DLEC1: variants seen among roughly 807,000 people sequenced by gnomAD.
DLEC1 encodes DLEC1 cilia and flagella associated protein, also known as deleted in lung and esophageal cancer protein 1.
A neutral mutation model predicts 198.1 loss-of-function variants in DLEC1; 146 were observed. The ratio of observed to expected loss-of-function variants is 0.74; its 90% CI spans 0.64 to 0.85. The LOEUF is 0.85. DLEC1 is among the 40% of genes least tolerant of loss of function. The pLI is 0.00. For missense variants in DLEC1, 2,233 were observed against 2,220.0 expected, an observed-to-expected ratio of 1.01 and a Z score of -0.12; for synonymous variants, 897 against 866.8, an observed-to-expected ratio of 1.03 and a Z score of -0.61.
chr3:38,053,592 C>G (rs949436368), intron 2 of DLEC1, among the ~76,000 whole-genome samples: 1 of 135,950 alleles, frequency 7.4e-6, no homozygotes, highest in African/African-American at 2.8e-5. Context: ...AGCCCCCGCC[C>G]GGCCAGCCGC....
chr3:38,042,474 G>A (rs1286870034), intron 1 of DLEC1, among the ~76,000 whole-genome samples: 3 of 150,824 alleles, frequency 2.0e-5, no homozygotes, highest in African/African-American at 4.9e-5. Context: ...CAATGTACAC[G>A]AATTAATTTT....
chr3:38,057,877 C>T (rs796608446), intron 2 of DLEC1, among the ~76,000 whole-genome samples: 8 of 148,848 alleles, frequency 5.4e-5, no homozygotes, highest in South Asian at 2.1e-4. Flanking sequence ...AGTGCAGTGG[C>T]GCAATCTCGG....
Position 38,039,449 on chromosome 3 carries a change from C to G in DLEC1, c.224C>G (p.Pro75Arg). The G allele has an allele frequency of 6.2e-7, 1 of 1,613,958 alleles. No homozygotes were observed. The highest frequency in any genetic ancestry group is 8.5e-7 in the Non-Finnish European group (1 of 1,179,864). The change falls in exon 1 of 37, where the codon CCC becomes CGC. Residue 75 changes from proline (P) to arginine (R), a missense_variant. Transcript: ENST00000308059. ...RLTQLALAQRPEPQLLRLRPS... is the reference protein window; with the variant it reads ...RLTQLALAQRREPQLLRLRPS... ...ACGCAGCTTGCGCTGGCGCAGCGTC[C>G]CGAGCCTCAGCTGCTTCGTCTGCGC... is the stretch of plus-strand genomic sequence containing the variant.
intron 12 of DLEC1, 93 bp from the exon 13 acceptor site, chr3:38,094,786 T>C (rs915614321): frequency 7.6e-6 from 11 of 1,452,092 alleles, no homozygotes; most frequent in Non-Finnish European, 9.3e-6. Flanking sequence ...GGTCCTTTCC[T>C]GCTCCCTCTT....
intron 2 of DLEC1, among the ~76,000 whole-genome samples, chr3:38,057,817 C>CTT (rs71094945): frequency 3.5e-4 from 46 of 132,832 alleles, no homozygotes; most frequent in African/African-American, 1.1e-3. Context: ...TGTATTATTC[C>CTT]TTTTTTTTTT....
chr3:38,050,981 C>T (rs948115034), intron 2 of DLEC1, among the ~76,000 whole-genome samples: 1 of 151,166 alleles, frequency 6.6e-6, no homozygotes, highest in Admixed American at 6.6e-5. Context: ...CATACTGGCT[C>T]ACTGCAACCT....
chr3:38,103,346 G>C (rs1459028432), intron 19 of DLEC1: 1 of 152,258 alleles, frequency 6.6e-6, no homozygotes, highest in Non-Finnish European at 1.5e-5. Context: ...GCTTTGCTCA[G>C]CTCCCCCGCC....
At chr3:38,084,446 G>GGTAGTA (rs1559430188) in intron 7 of DLEC1, among the ~76,000 whole-genome samples, 4 of 5,782 alleles carry the variant, frequency 6.9e-4, no homozygotes, top group East Asian at 6.5e-3. Flanking sequence ...TGGTGGTGGT[G>GGTAGTA]GTGGTGGTAG....
In DLEC1 at chr3:38,086,340, T is replaced by G. The variant is rs1198560175; in HGVS notation, c.1535T>G (p.Ile512Ser). ...GGTTTCAGTGTTGGCAGGTTCTGCA[T>G]TATGCCCAAAACAAGCTGGCCACCA... ...NVGFSVGRFCIMPKTSWPPLS... is the reference protein window; with the variant it reads ...NVGFSVGRFCSMPKTSWPPLS... Residue 512 changes from isoleucine (I) to serine (S), a missense_variant, in exon 9 of 37, where the codon ATT becomes AGT. Coordinates refer to ENST00000308059, the MANE Select transcript of DLEC1 (RefSeq NM_007335.4). 1.9e-6 allele frequency: 3 copies of G among 1,612,056 alleles called. No homozygotes were observed. Among genetic ancestry groups the G allele is most frequent in the African/African-American group, 2.7e-5 (2 of 74,876 alleles).
intron 8 of DLEC1, among the ~76,000 whole-genome samples, chr3:38,085,892 G>T (rs1698429964): frequency 6.6e-6 from 1 of 152,154 alleles, no homozygotes; most frequent in African/African-American, 2.4e-5. Context: ...CTACAGCTGG[G>T]CATAGGCTGG....
chr3:38,068,270 C>T (rs1383205894), intron 6 of DLEC1, among the ~76,000 whole-genome samples: 3 of 152,022 alleles, frequency 2.0e-5, no homozygotes, highest in Non-Finnish European at 4.4e-5. Flanking sequence ...GGCTCTGTCG[C>T]CCAGGCTGGA....
rs1700174803 is a variant in DLEC1 at position 38,116,562 on chromosome 3, T to C, written c.3966T>C (p.Asn1322=). Residue 1322 remains asparagine (N), a synonymous_variant, in exon 28 of 37, where the codon AAT becomes AAC. Transcript: ENST00000308059. The part of the protein sequence containing the change: ...PPFPLRDQAG[N]ELVCPDTPEG... The stretch of plus-strand genomic sequence containing the variant: ...TCCCGCTGCGGGACCAAGCCGGGAA[T>C]GAGCTTGTGTGCCCTGATACCCCTG... 6.2e-7 allele frequency: 1 copy of C among 1,614,080 alleles called. No individual in the cohort carries two copies. The highest frequency in any genetic ancestry group is 1.1e-5 in the South Asian group (1 of 91,086).
Position 38,117,552 on chromosome 3 carries a change from G to A in DLEC1, c.4426G>A (p.Gly1476Ser), listed in dbSNP as rs372398323. The stretch of plus-strand genomic sequence containing the variant: ...GCTAAGTGTGGAGCTGGACTACGGC[G>A]GCAGTATGGAATTCCAGTGCCAGGC... ...AQLSVELDYGGSMEFQCQASD... is the reference protein window; with the variant it reads ...AQLSVELDYGSSMEFQCQASD... Residue 1476 changes from glycine (G) to serine (S), a missense_variant, in exon 32 of 37, where the codon GGC becomes AGC. By Grantham distance (56) the Gly-to-Ser change is moderately conservative. Transcript: ENST00000308059. 4.3e-5 allele frequency: 69 copies of A among 1,614,154 alleles called. No individual in the cohort carries two copies. Among genetic ancestry groups the A allele is most frequent in the African/African-American group, 2.9e-4 (22 of 75,032 alleles).
intron 6 of DLEC1, among the ~76,000 whole-genome samples, chr3:38,079,267 G>A (rs1379243261): frequency 2.0e-5 from 3 of 152,158 alleles, no homozygotes; most frequent in Non-Finnish European, 4.4e-5. Flanking sequence ...AACTGGGCAG[G>A]TGGGGATAAC....
At chr3:38,102,057 CT>C (rs1476669795) in intron 19 of DLEC1, among the ~76,000 whole-genome samples, 2 of 152,192 alleles carry the variant, frequency 1.3e-5, no homozygotes, top group Non-Finnish European at 2.9e-5. Flanking sequence ...GGGCCCAACA[CT>C]TTTCCCTTTG....
intron 5 of DLEC1, 62 bp from the exon 6 acceptor site, chr3:38,063,779 C>G: frequency 8.4e-7 from 1 of 1,190,202 alleles, no homozygotes; most frequent in Non-Finnish European, 1.3e-6. Flanking sequence ...CAGTCACTGC[C>G]TACTATTTCA....
intron 2 of DLEC1, 34 bp downstream of exon 2, chr3:38,045,727 T>A (rs1163612563): frequency 1.3e-6 from 2 of 1,571,326 alleles, no homozygotes; most frequent in Admixed American, 1.9e-5. Context: ...GCCTGCCCAA[T>A]TCCCGGGCTG....
chr3:38,122,216 C>T (rs1446456678), intron 36 of DLEC1, 22 bp downstream of exon 36: 1 of 1,611,260 alleles, frequency 6.2e-7, no homozygotes, highest in Non-Finnish European at 8.5e-7. Flanking sequence ...TCCAACCTTC[C>T]CCAAACTGCC....
chr3:38,113,373 A>G (rs1353729082), intron 25 of DLEC1, among the ~76,000 whole-genome samples: 1 of 152,216 alleles, frequency 6.6e-6, no homozygotes, highest in Non-Finnish European at 1.5e-5. Context: ...ATGATGCTGT[A>G]AACTCTTTAT....
Sources: gnomAD v4.1 joint callset for allele counts (sites outside exome capture counted in the v4.1 genomes callset) on GRCh38, gnomAD v4.1.1 for gene constraint, MANE v1.5 for transcripts, NCBI Gene and HGNC (gene_info 2026-07-23, HGNC 2026-07-21) for gene names.